The following CMIP variants were observed in gnomAD, a reference collection of about 807,000 sequenced individuals.
CMIP encodes the protein c-Maf inducing protein, also known as C-Maf-inducing protein.
CMIP carries 13 observed loss-of-function variants against 97.3 expected under a neutral mutation model. The observed-to-expected ratio is 0.13, with a 90% CI of 0.09 to 0.21. CMIP has a LOEUF of 0.21. Ranked by LOEUF, CMIP falls within the 10% of genes least tolerant of loss-of-function variation. The pLI, the probability that CMIP is intolerant of heterozygous loss-of-function variation, is 1.00. For synonymous variants in CMIP, 538 were observed against 436.3 expected (o/e 1.23, Z -2.91); for missense variants, 847 against 1,024.9 (o/e 0.83, Z 2.37).
chr16:81,707,139 G>C (rs1908241866), intron 20 of CMIP, 55 bp downstream of exon 20: 1 of 1,406,826 alleles, frequency 7.1e-7, no homozygotes, highest in African/African-American at 1.4e-5. Flanking sequence ...GCCAGCATCT[G>C]GATGCTGGTG....
chr16:81,525,569 C>A (rs994906087), intron 1 of CMIP, among the ~76,000 whole-genome samples: 3 of 152,108 alleles, frequency 2.0e-5, no homozygotes, highest in Non-Finnish European at 4.4e-5. Context: ...CCAGGAACTC[C>A]TGGGCTCAAA....
rs180763176 is a variant in CMIP at position 81,485,051 on chromosome 16, C to G, written c.300+39510C>G. On this transcript the variant is annotated intron_variant, in intron 1 of 20. Coordinates refer to ENST00000537098, the MANE Select transcript of CMIP (RefSeq NM_198390.3). ...TTACTTGAGGAGCTTAAAAAATGTC[C>G]TGATGCCTGACTCCACCCCCAGAGG... Among the ~76,000 whole-genome samples the G allele has an allele frequency of 4.2e-4, 64 of 152,278 alleles. No homozygotes were observed. The East Asian group carries it at 9.3e-3, about 22-fold the overall frequency.
In CMIP at chr16:81,601,319, C is replaced by T. The variant is rs531416315; in HGVS notation, c.301-6248C>T. ...AGGAATCCCCATGGAAACCAGCAGG[C>T]AGGTTTGGGCAGGAGGGAGCTGGCT... On this transcript the variant is annotated intron_variant, in intron 1 of 20. Coordinates refer to ENST00000537098, the MANE Select transcript of CMIP (RefSeq NM_198390.3). Among the ~76,000 whole-genome samples, 92 of 152,282 alleles carry T rather than the reference C, an allele frequency of 6.0e-4. 1 individual carries two copies. Among genetic ancestry groups the T allele is most frequent in the African/African-American group, 2.2e-3 (90 of 41,544 alleles).
chr16:81,604,548 A>G (rs1195124670), intron 1 of CMIP, among the ~76,000 whole-genome samples: 2 of 151,972 alleles, frequency 1.3e-5, no homozygotes, highest in Non-Finnish European at 2.9e-5. Flanking sequence ...AAATACAAAA[A>G]AAATTAGCCA....
intron 3 of CMIP, among the ~76,000 whole-genome samples, chr16:81,637,413 C>T (rs2092250682): frequency 6.6e-6 from 1 of 152,164 alleles, no homozygotes; most frequent in African/African-American, 2.4e-5. Flanking sequence ...TGTCTTTAGT[C>T]AGTGTCCTAC....
chr16:81,474,417 A>T (rs181861023), intron 1 of CMIP, among the ~76,000 whole-genome samples: 1 of 149,478 alleles, frequency 6.7e-6, no homozygotes, highest in African/African-American at 2.5e-5. Context: ...CCTTCCTCCC[A>T]TTCATCTGGT....
intron 3 of CMIP, among the ~76,000 whole-genome samples, chr16:81,643,030 G>A (rs1317779635): frequency 6.6e-6 from 1 of 152,236 alleles, no homozygotes; most frequent in Non-Finnish European, 1.5e-5. Context: ...GCCACATTGT[G>A]TATGATTTAT....
intron 19 of CMIP, 93 bp downstream of exon 19, chr16:81,705,697 A>G: frequency 1.3e-6 from 1 of 745,634 alleles, no homozygotes; most frequent in South Asian, 1.7e-5. Context: ...ACTTTGCACC[A>G]TGCACAGATA....
chr16:81,688,553 T>C (rs1344834351), intron 10 of CMIP, among the ~76,000 whole-genome samples: 1 of 152,222 alleles, frequency 6.6e-6, no homozygotes, highest in Non-Finnish European at 1.5e-5. Flanking sequence ...AAAGAGTAAA[T>C]GAACTAAGGT....
intron 1 of CMIP, among the ~76,000 whole-genome samples, chr16:81,524,034 G>C (rs1007566054): frequency 7.2e-5 from 11 of 152,232 alleles, no homozygotes; most frequent in Non-Finnish European, 1.6e-4. Flanking sequence ...CTTGGAGTAG[G>C]CTTATTTTTC....
At chr16:81,594,119 C>T (rs376437266) in intron 1 of CMIP, among the ~76,000 whole-genome samples, 19 of 135,718 alleles carry the variant, frequency 1.4e-4, no homozygotes, top group African/African-American at 5.0e-4. Flanking sequence ...CCCATTCTCC[C>T]CCCTCCTCCC....
At chr16:81,446,444 G>A (rs192188488) in intron 1 of CMIP, among the ~76,000 whole-genome samples, 2 of 151,746 alleles carry the variant, frequency 1.3e-5, no homozygotes, top group East Asian at 3.9e-4. Flanking sequence ...GAGAGTGGGG[G>A]TGGCGGGTAG....
chr16:81,603,406 T>G, intron 1 of CMIP: 2 of 454,344 alleles, frequency 4.4e-6, no homozygotes, highest in Non-Finnish European at 8.8e-6. Context: ...AAATAAACAT[T>G]TTCTTTTAGG....
chr16:81,553,467 T>C (rs62046631), intron 1 of CMIP, among the ~76,000 whole-genome samples: 36,857 of 152,160 alleles, frequency 0.24, 4,626 homozygotes, highest in East Asian at 0.26. Context: ...GAAAGGGTGA[T>C]TGTTTCAGAG....
At chr16:81,519,160 G>A (rs1265868066) in intron 1 of CMIP, 1 of 152,218 alleles carries the variant, frequency 6.6e-6, no homozygotes, top group Non-Finnish European at 1.5e-5. Context: ...AGAAGTAGCA[G>A]GGTGTGGTGA....
At chr16:81,487,175 G>A (rs1306527341) in intron 1 of CMIP, among the ~76,000 whole-genome samples, 1 of 151,538 alleles carries the variant, frequency 6.6e-6, no homozygotes, top group African/African-American at 2.4e-5. Flanking sequence ...ACCGGGGGGG[G>A]TGTGGGGGCT....
At chr16:81,679,732 C>G (rs1383097209) in intron 10 of CMIP, among the ~76,000 whole-genome samples, 1 of 152,020 alleles carries the variant, frequency 6.6e-6, no homozygotes, top group Non-Finnish European at 1.5e-5. Flanking sequence ...CTCTGTGACT[C>G]TAGGGTGGAG....
intron 11 of CMIP, 119 bp downstream of exon 11, chr16:81,691,959 C>T (rs1331977466): frequency 8.0e-6 from 7 of 873,800 alleles, no homozygotes; most frequent in East Asian, 7.8e-5. Flanking sequence ...GCGGGAAGAC[C>T]CTGGAGACGT....
chr16:81,448,074 AC>A (rs763842716), intron 1 of CMIP, among the ~76,000 whole-genome samples: 2 of 152,236 alleles, frequency 1.3e-5, no homozygotes. Context: ...GTTCCCTAGA[AC>A]AAAAACCCTT....
Sources: gnomAD v4.1 joint callset for allele counts (sites outside exome capture counted in the v4.1 genomes callset) on GRCh38, gnomAD v4.1.1 for gene constraint, MANE v1.5 for transcripts, NCBI Gene and HGNC (gene_info 2026-07-23, HGNC 2026-07-21) for gene names.